Variants in EFHC2 observed in about 807,000 individuals in gnomAD.
EFHC2 encodes the protein EF-hand domain containing 2.
A neutral mutation model predicts 52.7 loss-of-function variants in EFHC2; 18 were observed. The ratio of observed to expected loss-of-function variants is 0.34; its 90% confidence interval spans 0.24 to 0.51. The LOEUF is 0.51. EFHC2 is among the 20% of genes least tolerant of loss of function. EFHC2 has a pLI of 0.97. For missense variants in EFHC2, 513 were observed against 562.5 expected (o/e 0.91, Z 0.89); for synonymous variants, 203 against 204.1 (o/e 0.99, Z 0.04).
At chrX:44,175,096 C>T (rs1425347551) in intron 13 of EFHC2, among the ~76,000 whole-genome samples, 8 of 111,611 alleles carry the variant, frequency 7.2e-5, no homozygotes, top group Non-Finnish European at 1.5e-4. Context: ...GCTCCAGCTG[C>T]GAACCCTAAG....
intron 7 of EFHC2, among the ~76,000 whole-genome samples, chrX:44,245,595 G>C (rs1467535834): frequency 8.9e-6 from 1 of 112,087 alleles, no homozygotes; most frequent in African/African-American, 3.2e-5. Flanking sequence ...TGGCCAAACT[G>C]TCTGATGGAG....
intron 1 of EFHC2, among the ~76,000 whole-genome samples, chrX:44,337,371 T>C (rs1337529288): frequency 1.8e-5 from 2 of 111,300 alleles, no homozygotes; most frequent in African/African-American, 6.5e-5. Context: ...CCCTCTATAA[T>C]AGAAACTATA....
intron 1 of EFHC2, among the ~76,000 whole-genome samples, chrX:44,325,598 G>T (rs952071188): frequency 2.7e-5 from 3 of 109,327 alleles, no homozygotes; most frequent in Non-Finnish European, 5.7e-5. Flanking sequence ...TACAGAAACC[G>T]TAAAGTTAAT....
chrX:44,320,292 C>G (rs181287149), intron 1 of EFHC2, among the ~76,000 whole-genome samples: 1 of 111,597 alleles, frequency 9.0e-6, no homozygotes, highest in African/African-American at 3.3e-5. Flanking sequence ...AATTAAGAGA[C>G]AAAGAATAGT....
intron 13 of EFHC2, among the ~76,000 whole-genome samples, chrX:44,170,109 T>C (rs189872458): frequency 7.5e-4 from 84 of 111,409 alleles, no homozygotes; most frequent in Non-Finnish European, 1.3e-3. Context: ...CAGTTTGATA[T>C]GAAGAAAATT....
intron 14 of EFHC2, among the ~76,000 whole-genome samples, chrX:44,159,349 T>C (rs2036633116): frequency 8.9e-6 from 1 of 111,950 alleles, no homozygotes; most frequent in Admixed American, 9.5e-5. Context: ...TCAGTAGATA[T>C]TATACTTTTT....
chrX:44,225,267 A>G (rs1421924476), intron 11 of EFHC2, among the ~76,000 whole-genome samples: 9 of 110,464 alleles, frequency 8.1e-5, no homozygotes, highest in Non-Finnish European at 1.1e-4. Context: ...AAAAAAAACA[A>G]AAACCATTCC....
intron 10 of EFHC2, among the ~76,000 whole-genome samples, chrX:44,231,445 C>T (rs73196197): frequency 5.4e-5 from 6 of 110,968 alleles, no homozygotes; most frequent in Non-Finnish European, 9.5e-5. Flanking sequence ...CTGAGGCTCT[C>T]CCTACCCACC....
intron 2 of EFHC2, among the ~76,000 whole-genome samples, chrX:44,301,408 C>T (rs1180535387): frequency 9.0e-6 from 1 of 111,471 alleles, no homozygotes; most frequent in Admixed American, 9.6e-5. Flanking sequence ...ACTCTGGTCT[C>T]CTGAACAGCC....
rs760460331 is a variant in EFHC2 at position 44,273,767 on chromosome X, C to T, written c.232-931G>A. Among the ~76,000 whole-genome samples the T allele has an allele frequency of 1.1e-3, 125 of 111,813 alleles. No homozygotes were observed. The Middle Eastern group carries it at 0.014, about 12-fold the overall frequency. ...AGGCTACCATTTCAAGCTTGACCTG[C>T]GGCTCAAGCTCTGTGAGAGCTCCAT... On this transcript the variant is annotated intron_variant, in intron 2 of 14. Coordinates refer to ENST00000420999, the MANE Select transcript of EFHC2 (RefSeq NM_025184.4).
At chrX:44,243,538 G>C (rs981643535) in intron 7 of EFHC2, among the ~76,000 whole-genome samples, 1 of 111,830 alleles carries the variant, frequency 8.9e-6, no homozygotes, top group Non-Finnish European at 1.9e-5. Flanking sequence ...TTTAACTGAT[G>C]ATCAAAAGGC....
intron 2 of EFHC2, among the ~76,000 whole-genome samples, chrX:44,274,379 C>A (rs1051821065): frequency 2.7e-5 from 3 of 112,132 alleles, no homozygotes; most frequent in Admixed American, 9.5e-5. Context: ...TGCTGTTGGA[C>A]AAGTATAGAG....
At chrX:44,150,528 C>A (rs1017102249) in intron 14 of EFHC2, among the ~76,000 whole-genome samples, 1 of 111,551 alleles carries the variant, frequency 9.0e-6, no homozygotes, top group Admixed American at 9.6e-5. Flanking sequence ...ACTGGTAGGT[C>A]TTGGCCAGGG....
chrX:44,224,024 G>A (rs988131594), intron 11 of EFHC2, among the ~76,000 whole-genome samples: 5 of 111,968 alleles, frequency 4.5e-5, no homozygotes, highest in Admixed American at 9.4e-5. Flanking sequence ...ATTTGCTTCC[G>A]TGAAGTAAAG....
At chrX:44,232,217 C>G (rs2037283442) in intron 10 of EFHC2, among the ~76,000 whole-genome samples, 1 of 112,288 alleles carries the variant, frequency 8.9e-6, no homozygotes, top group East Asian at 2.8e-4. Flanking sequence ...AAACTTGATT[C>G]AACCCTGGCC....
intron 1 of EFHC2, among the ~76,000 whole-genome samples, chrX:44,340,636 G>A (rs2038146571): frequency 9.0e-6 from 1 of 111,092 alleles, no homozygotes; most frequent in Admixed American, 9.6e-5. Flanking sequence ...TCCAGCCTGG[G>A]CAACAGAGCA....
intron 1 of EFHC2, among the ~76,000 whole-genome samples, chrX:44,336,567 T>G (rs1304534620): frequency 8.9e-6 from 1 of 111,832 alleles, no homozygotes; most frequent in Non-Finnish European, 1.9e-5. Context: ...ACACCTACCA[T>G]ATGGCCAGTT....
intron 11 of EFHC2, among the ~76,000 whole-genome samples, chrX:44,185,130 T>C (rs2147284421): frequency 8.9e-6 from 1 of 112,656 alleles, no homozygotes; most frequent in East Asian, 2.8e-4. Flanking sequence ...TAATTTCAAG[T>C]TGTATTAAAC....
chrX:44,337,879 A>T (rs2147401514), intron 1 of EFHC2, among the ~76,000 whole-genome samples: 1 of 111,877 alleles, frequency 8.9e-6, no homozygotes, highest in South Asian at 3.7e-4. Flanking sequence ...TCTCATCTTG[A>T]TTTTAATTCT....
Sources: gnomAD v4.1 joint callset for allele counts (sites outside exome capture counted in the v4.1 genomes callset) on GRCh38, gnomAD v4.1.1 for gene constraint, MANE v1.5 for transcripts, NCBI Gene and HGNC (gene_info 2026-07-23, HGNC 2026-07-21) for gene names.